ALK: variants seen among roughly 807,000 people sequenced by gnomAD.
The protein encoded by ALK is ALK receptor tyrosine kinase, also known as ALK tyrosine kinase receptor.
ALK carries 74 observed loss-of-function variants against 163.1 expected under a neutral mutation model. The ratio of observed to expected loss-of-function variants is 0.45; its 90% CI spans 0.38 to 0.55. ALK has a LOEUF of 0.55. Among genes scored for constraint, ALK ranks in the 20% least tolerant of loss-of-function variants. The pLI is 0.00. For synonymous variants in ALK, 960 were observed against 843.2 expected (o/e 1.14, Z -2.40); for missense variants, 2,063 against 2,105.3 (o/e 0.98, Z 0.39).
chr2:29,745,595 C>A (rs1680188693), intron 1 of ALK, among the ~76,000 whole-genome samples: 1 of 152,156 alleles, frequency 6.6e-6, no homozygotes, highest in East Asian at 1.9e-4. Flanking sequence ...TGGTTCTTTG[C>A]CTGACACAAT....
chr2:29,917,404 TA>T (rs2148441173), intron 1 of ALK, among the ~76,000 whole-genome samples: 1 of 152,308 alleles, frequency 6.6e-6, no homozygotes, highest in East Asian at 1.9e-4. Context: ...AGAGCCTATA[TA>T]AAAATAATAA....
rs753385730 is a variant in ALK, at chr2:29,226,919, T to C, written c.3067+3A>G. ...TCTGCCTCCCCTGGCCCTGCCCCCT[T>C]ACCAATGCAGGAGACGCCATCCTCA... On this transcript the variant is annotated splice_donor_region_variant and intron_variant, in intron 18 of 28. Coordinates refer to ENST00000389048, the MANE Select transcript of ALK (RefSeq NM_004304.5). The C allele has an allele frequency of 3.1e-6, 5 of 1,614,004 alleles. No homozygotes were observed. The highest frequency in any genetic ancestry group is 4.2e-6 in the Non-Finnish European group (5 of 1,180,034).
chr2:29,641,428 G>T (rs1010062873), intron 3 of ALK, among the ~76,000 whole-genome samples: 1 of 152,088 alleles, frequency 6.6e-6, no homozygotes, highest in Non-Finnish European at 1.5e-5. Flanking sequence ...GTGAACCACC[G>T]CAAGTCCAGT....
At chr2:29,482,892 G>A (rs971388586) in intron 4 of ALK, among the ~76,000 whole-genome samples, 9 of 152,122 alleles carry the variant, frequency 5.9e-5, no homozygotes, top group South Asian at 2.1e-4. Context: ...ATGAAGGGGC[G>A]ATAGGAGGCA....
intron 3 of ALK, among the ~76,000 whole-genome samples, chr2:29,556,325 T>A (rs540329140): frequency 3.3e-5 from 5 of 152,268 alleles, no homozygotes; most frequent in East Asian, 1.9e-4. Context: ...TATGGAGAAG[T>A]CTCACGGAGG....
At chr2:29,307,464 C>T (rs1666556432) in intron 8 of ALK, among the ~76,000 whole-genome samples, 2 of 152,182 alleles carry the variant, frequency 1.3e-5, no homozygotes. Context: ...GGGTATTCCC[C>T]ATCCAGTCTC....
chr2:29,834,578 C>T (rs183516276), intron 1 of ALK, among the ~76,000 whole-genome samples: 5 of 152,198 alleles, frequency 3.3e-5, no homozygotes, highest in Non-Finnish European at 5.9e-5. Context: ...ATATAATAGA[C>T]ATTTTATCAG....
intron 4 of ALK, among the ~76,000 whole-genome samples, chr2:29,441,982 C>G (rs897088601): frequency 1.6e-4 from 24 of 152,298 alleles, no homozygotes; most frequent in African/African-American, 5.5e-4. Context: ...TAAATTAACA[C>G]TAATTGAGAA....
intron 4 of ALK, among the ~76,000 whole-genome samples, chr2:29,508,661 T>G (rs138502581): frequency 7.1e-6 from 1 of 139,894 alleles, no homozygotes; most frequent in Admixed American, 8.0e-5. Flanking sequence ...CTAACCTGCA[T>G]GTTGTGCACA....
rs1160586232 is a variant in ALK, at chr2:29,246,639, G to A, written c.2204+4466C>T. 6.6e-6 allele frequency among the ~76,000 whole-genome samples: 1 copy of A among 152,148 alleles called. No individual in the cohort carries two copies. The highest frequency in any genetic ancestry group is 2.4e-5 in the African/African-American group (1 of 41,418). On this transcript the variant is annotated intron_variant, in intron 12 of 28. Coordinates refer to ENST00000389048, the MANE Select transcript of ALK (RefSeq NM_004304.5). The surrounding 1 kb of genome is among the most constrained non-coding windows in gnomAD (Gnocchi z 4.3). ...TCGCTTCCTCAGTCCATGCCAGAGC[G>A]TGGATGTAGTCCCAGCGTTGCACCC...
At chr2:29,717,208 T>C (rs966184245) in intron 2 of ALK, among the ~76,000 whole-genome samples, 2 of 147,874 alleles carry the variant, frequency 1.4e-5, no homozygotes, top group Non-Finnish European at 1.5e-5. Context: ...AGAGAGATTG[T>C]GATTGCTAGA....
At chr2:29,861,000 A>G (rs1666275779) in intron 1 of ALK, among the ~76,000 whole-genome samples, 1 of 152,108 alleles carries the variant, frequency 6.6e-6, no homozygotes, top group African/African-American at 2.4e-5. Flanking sequence ...GTAAGACCCT[A>G]TCTCTACAAA....
chr2:29,509,269 G>T (rs1672442153), intron 4 of ALK, among the ~76,000 whole-genome samples: 1 of 152,154 alleles, frequency 6.6e-6, no homozygotes, highest in South Asian at 2.1e-4. Flanking sequence ...TCTCACAGAA[G>T]CATCCTCAAC....
chr2:29,235,856 CTTT>C (rs569363324), intron 13 of ALK, among the ~76,000 whole-genome samples: 497 of 38,118 alleles, frequency 0.013, 1 homozygote, highest in Non-Finnish European at 0.02. Context: ...CCAGGCTCGA[CTTT>C]TTTTTTTTTT....
At chr2:29,604,229 C>T (rs933569176) in intron 3 of ALK, among the ~76,000 whole-genome samples, 9 of 143,802 alleles carry the variant, frequency 6.3e-5, no homozygotes, top group African/African-American at 1.5e-4. Context: ...TATTTTATGA[C>T]GTGAGGATTA....
intron 7 of ALK, among the ~76,000 whole-genome samples, chr2:29,320,242 A>G (rs1666981047): frequency 6.6e-6 from 1 of 152,164 alleles, no homozygotes; most frequent in Non-Finnish European, 1.5e-5. Flanking sequence ...GAGGACAGGC[A>G]TTACTAGCTT....
At chr2:29,401,446 T>C (rs1669444461) in intron 4 of ALK, among the ~76,000 whole-genome samples, 1 of 152,344 alleles carries the variant, frequency 6.6e-6, no homozygotes, top group East Asian at 1.9e-4. Context: ...CAATTTCCCA[T>C]GGAAGGATTC....
rs70958274 is a variant in ALK at position 29,637,709 on chromosome 2, C to CAAAAA, written c.952+57136_952+57140dup. ...GGGTGACAGAGCAAGACTCCGTCTC[C>CAAAAA]AAAAAAAAAAAAAGAGGACTCTTTG... On this transcript the variant is annotated intron_variant, in intron 3 of 28. Coordinates refer to ENST00000389048, the MANE Select transcript of ALK (RefSeq NM_004304.5). 2.4e-4 allele frequency among the ~76,000 whole-genome samples: 27 copies of CAAAAA among 112,340 alleles called. 7 individuals are homozygous for CAAAAA. The highest frequency in any genetic ancestry group is 2.2e-4 in the Non-Finnish European group (13 of 60,288). The allele number at this position is 112,340 out of a possible 152,430, so 73.7% of individuals were successfully genotyped here. A position where few individuals can be genotyped will look rare whatever the true frequency, so the allele number is the denominator to read the frequency against.
chr2:29,722,150 C>T (rs549754361), intron 1 of ALK, among the ~76,000 whole-genome samples: 33 of 152,316 alleles, frequency 2.2e-4, no homozygotes, highest in African/African-American at 7.5e-4. Context: ...TTCTTCTTTG[C>T]CAGGTCTTCC....
Sources: allele counts gnomAD v4.1 joint callset (sites outside exome capture counted in the v4.1 genomes callset), GRCh38; gene constraint gnomAD v4.1.1; non-coding constraint Gnocchi (gnomAD v3.1); transcripts MANE v1.5; gene names NCBI Gene and HGNC (gene_info 2026-07-23, HGNC 2026-07-21).